MCC: variants seen among roughly 807,000 people sequenced by gnomAD.
MCC encodes colorectal mutant cancer protein.
A neutral mutation model predicts 116.2 loss-of-function variants in MCC; 90 were observed. The ratio of observed to expected loss-of-function variants is 0.77; its 90% CI spans 0.65 to 0.92. The LOEUF (loss-of-function observed/expected upper bound fraction) is 0.92. Ranked by LOEUF, MCC falls within the 40% of genes least tolerant of loss-of-function variation. The pLI is 0.00. For missense variants in MCC, 1,516 were observed against 1,312.2 expected (o/e 1.16, Z -2.40); for synonymous variants, 578 against 510.5 (o/e 1.13, Z -1.78).
In MCC at chr5:113,058,589, G is replaced by A. The variant is rs544120547; in HGVS notation, c.2214-4630C>T. On this transcript the variant is annotated intron_variant, in intron 14 of 18. Transcript: ENST00000408903. Reference sequence around the variant, plus strand: ...ATGCTCCTAGGTTTTCTAGGTAGAGGCCACAATGCTCCTGGCTGCCCTGGT... The same window carrying A: ...ATGCTCCTAGGTTTTCTAGGTAGAGACCACAATGCTCCTGGCTGCCCTGGT... Among the ~76,000 whole-genome samples, 13 of 152,336 alleles carry A rather than the reference G, an allele frequency of 8.5e-5. No individual in the cohort carries two copies. The South Asian group carries it at 2.7e-3, about 32-fold the overall frequency.
At chr5:113,401,643 T>A (rs1191313989) in intron 1 of MCC, among the ~76,000 whole-genome samples, 1 of 152,134 alleles carries the variant, frequency 6.6e-6, no homozygotes, top group Non-Finnish European at 1.5e-5. Context: ...GTTGCATTCA[T>A]ACTGAGAATA....
At chr5:113,412,770 T>C (rs1190059339) in intron 1 of MCC, among the ~76,000 whole-genome samples, 1 of 152,214 alleles carries the variant, frequency 6.6e-6, no homozygotes, top group African/African-American at 2.4e-5. Flanking sequence ...TATTTCTTTC[T>C]CTTGCCTGAC....
chr5:113,488,145 C>T, intron 1 of MCC, 100 bp downstream of exon 1: 3 of 1,249,516 alleles, frequency 2.4e-6, no homozygotes, highest in Admixed American at 3.3e-5. Flanking sequence ...AGCTTCTGAG[C>T]AACTTGCCGC....
intron 3 of MCC, among the ~76,000 whole-genome samples, chr5:113,234,969 TG>T (rs1269400283): frequency 6.6e-6 from 1 of 152,180 alleles, no homozygotes; most frequent in Non-Finnish European, 1.5e-5. Context: ...GAAATTCAGG[TG>T]GTAACCTCAG....
At chr5:113,074,549 TAGA>T (rs1754281528) in intron 11 of MCC, among the ~76,000 whole-genome samples, 1 of 143,168 alleles carries the variant, frequency 7.0e-6, no homozygotes, top group Non-Finnish European at 1.6e-5. Flanking sequence ...GATGAGTTGA[TAGA>T]AGAAGGCTTC....
chr5:113,048,880 T>G (rs1274137464), intron 16 of MCC: 1 of 595,362 alleles, frequency 1.7e-6, no homozygotes, highest in Non-Finnish European at 3.0e-6. Context: ...AAGGTTCAAC[T>G]ATTACATAAA....
chr5:113,057,967 A>T (rs1419104305), intron 14 of MCC, among the ~76,000 whole-genome samples: 2 of 152,196 alleles, frequency 1.3e-5, no homozygotes, highest in African/African-American at 4.8e-5. Flanking sequence ...GTTACTTGGG[A>T]GGTTTCAGGA....
chr5:113,073,995 C>CTTAA (rs1465986223), intron 11 of MCC, among the ~76,000 whole-genome samples: 5 of 152,254 alleles, frequency 3.3e-5, no homozygotes, highest in Non-Finnish European at 7.3e-5. Context: ...CTTCTGCAGA[C>CTTAA]TTAAAAGTCC....
chr5:113,330,760 A>C (rs1231406411), intron 3 of MCC, among the ~76,000 whole-genome samples: 4 of 152,216 alleles, frequency 2.6e-5, no homozygotes, highest in Admixed American at 1.3e-4. Context: ...GTGTACTTGA[A>C]ATTTTTCTAA....
At chr5:113,334,698 C>T (rs1471958706) in intron 3 of MCC, among the ~76,000 whole-genome samples, 1 of 147,076 alleles carries the variant, frequency 6.8e-6, no homozygotes, top group South Asian at 2.1e-4. Flanking sequence ...TCAAGTAATT[C>T]TCTGGTCTCA....
At position 113,053,824 on chromosome 5, in the gene MCC, G is replaced by A. The variant is rs993600877; in HGVS notation, c.2349C>T (p.Ile783=). 6.2e-7 allele frequency: 1 copy of A among 1,614,154 alleles called. No homozygotes were observed. Among genetic ancestry groups the A allele is most frequent in the Non-Finnish European group, 8.5e-7 (1 of 1,180,022 alleles). ...CGTCATAGCTGAGAGGATCGATGTGGATGCTTTCCAGCTCCAGCATGGTCA... is the reference window on the plus strand; with the variant it reads ...CGTCATAGCTGAGAGGATCGATGTGAATGCTTTCCAGCTCCAGCATGGTCA... ...VKLTMLELES[I]HIDPLSYDVK... is the part of the protein sequence containing the mutation. Residue 783 remains isoleucine, a synonymous_variant, in exon 15 of 19, where the codon ATC becomes ATT. Coordinates refer to ENST00000408903, the MANE Select transcript of MCC (RefSeq NM_001085377.2).
intron 3 of MCC, among the ~76,000 whole-genome samples, chr5:113,233,770 G>A (rs1764025953): frequency 6.6e-6 from 1 of 152,052 alleles, no homozygotes; most frequent in South Asian, 2.1e-4. Flanking sequence ...GATATATTTG[G>A]CTGCCCCAAA....
chr5:113,282,245 C>T (rs1766074582), intron 3 of MCC, among the ~76,000 whole-genome samples: 1 of 152,206 alleles, frequency 6.6e-6, no homozygotes, highest in South Asian at 2.1e-4. Context: ...AGTCATTCAA[C>T]TTAGTATCCT....
chr5:113,093,670 G>C (rs918080233), intron 8 of MCC, among the ~76,000 whole-genome samples: 1 of 152,058 alleles, frequency 6.6e-6, no homozygotes, highest in East Asian at 1.9e-4. Context: ...GCAAGTATGA[G>C]ACAGGTCAGC....
At chr5:113,085,135 G>T in intron 9 of MCC, 29 bp downstream of exon 9, 1 of 1,613,616 alleles carries the variant, frequency 6.2e-7, no homozygotes, top group Non-Finnish European at 8.5e-7. Context: ...AGGTGTTCCC[G>T]CTCATCGGGT....
chr5:113,337,072 G>C (rs1767888049), intron 3 of MCC, among the ~76,000 whole-genome samples: 1 of 152,172 alleles, frequency 6.6e-6, no homozygotes, highest in Non-Finnish European at 1.5e-5. Context: ...GAGGGTGCTG[G>C]AGGGACACTG....
rs975415594 is a variant in MCC at position 113,047,379 on chromosome 5, C to T, written c.2655+1714G>A. On this transcript the variant is annotated intron_variant, in intron 16 of 18. Coordinates refer to ENST00000408903, the MANE Select transcript of MCC (RefSeq NM_001085377.2). ...GCTGAATGGATGAATAAAAAGCAGCCAGGGTCTTGGGAGGGCTGGCCTGGC... is the reference window on the plus strand; with the variant it reads ...GCTGAATGGATGAATAAAAAGCAGCTAGGGTCTTGGGAGGGCTGGCCTGGC... 3.3e-5 allele frequency among the ~76,000 whole-genome samples: 5 copies of T among 152,310 alleles called. 1 individual carries two copies. Among genetic ancestry groups the T allele is most frequent in the Admixed American group, 1.3e-4 (2 of 15,302 alleles).
intron 5 of MCC, among the ~76,000 whole-genome samples, chr5:113,140,463 C>T (rs190148597): frequency 2.0e-5 from 3 of 152,244 alleles, no homozygotes; most frequent in Admixed American, 1.3e-4. Context: ...AGAGATCTGA[C>T]GTGGCCATGA....
At chr5:113,203,819 T>C (rs1408670642) in intron 3 of MCC, among the ~76,000 whole-genome samples, 2 of 152,218 alleles carry the variant, frequency 1.3e-5, no homozygotes, top group African/African-American at 2.4e-5. Context: ...TTCTTTGCCA[T>C]AGATCCAGCG....
Sources: gnomAD v4.1 joint callset for allele counts (sites outside exome capture counted in the v4.1 genomes callset) on GRCh38, gnomAD v4.1.1 for gene constraint, MANE v1.5 for transcripts, NCBI Gene and HGNC (gene_info 2026-07-23, HGNC 2026-07-21) for gene names.